The following LRBA variants were observed in gnomAD, a reference collection of about 807,000 sequenced individuals.
The protein encoded by LRBA is lipopolysaccharide-responsive and beige-like anchor protein.
LRBA carries 176 observed loss-of-function variants against 330.0 expected under a neutral mutation model. That is an observed-to-expected ratio of 0.53 (90% CI 0.47 to 0.60). The LOEUF (loss-of-function observed/expected upper bound fraction) is 0.60. Among genes scored for constraint, LRBA ranks in the 20% least tolerant of loss-of-function variants. The pLI, the probability that LRBA is intolerant of heterozygous loss-of-function variation, is 0.00. For missense variants in LRBA, 3,259 were observed against 3,444.8 expected (o/e 0.95, Z 1.35); for synonymous variants, 1,230 against 1,193.0 (o/e 1.03, Z -0.64).
At chr4:150,812,869 C>A (rs780739749) in intron 31 of LRBA, among the ~76,000 whole-genome samples, 1 of 151,980 alleles carries the variant, frequency 6.6e-6, no homozygotes, top group Non-Finnish European at 1.5e-5. Context: ...TATAGAGAAA[C>A]AGCATATTGG....
intron 35 of LRBA, among the ~76,000 whole-genome samples, chr4:150,754,350 A>T (rs1352258643): frequency 6.9e-6 from 1 of 145,884 alleles, no homozygotes; most frequent in Non-Finnish European, 1.5e-5. Context: ...GATAAACATT[A>T]ATTTAAATAA....
Position 150,282,567 on chromosome 4 carries a change from T to A in LRBA, c.8199A>T (p.Lys2733Asn). 1 of 1,613,990 alleles carries A rather than the reference T, an allele frequency of 6.2e-7. No homozygotes were observed. The change falls in exon 55 of 57, where the codon AAA becomes AAT. Residue 2733 changes from lysine (K) to asparagine (N), a missense_variant. Coordinates refer to ENST00000651943, the MANE Select transcript of LRBA (RefSeq NM_001364905.1). ...GACCCTCTCTTGAAGCCTGAATGAG[T>A]TTTGGTTTCAGGCAGTTTTCAGGAC... Reference protein sequence around the residue: ...LEGPENCLKPKLIQASREGHC... With the variant: ...LEGPENCLKPNLIQASREGHC...
chr4:150,553,495 T>C (rs1172445869), intron 40 of LRBA, among the ~76,000 whole-genome samples: 2 of 151,986 alleles, frequency 1.3e-5, no homozygotes, highest in African/African-American at 4.8e-5. Context: ...CTCCCTCACC[T>C]GGCACTCCTC....
chr4:150,498,979 C>A (rs907744126), intron 40 of LRBA, among the ~76,000 whole-genome samples: 2 of 152,050 alleles, frequency 1.3e-5, no homozygotes, highest in Admixed American at 6.6e-5. Context: ...AACAAATACC[C>A]TTCTATTTTA....
chr4:150,806,388 C>G lies in LRBA; in HGVS notation c.5401G>C (p.Glu1801Gln). 2 of 1,601,996 alleles carry G rather than the reference C, an allele frequency of 1.2e-6. No individual in the cohort carries two copies. The highest frequency in any genetic ancestry group is 1.3e-5 in the African/African-American group (1 of 74,306). ...GGAGCTGCCTTTTCCAAAGCGTGTT[C>G]AAGCCTCTCTGTAATACTAAGGAAA... Reference protein sequence around the residue: ...VSNMSITERLEHALEKAAPLL... With the variant: ...VSNMSITERLQHALEKAAPLL... Residue 1801 changes from glutamate (E) to glutamine (Q), a missense_variant, in exon 33 of 57, where the codon GAA (glutamate) becomes CAA (glutamine). Coordinates refer to ENST00000651943, the MANE Select transcript of LRBA (RefSeq NM_001364905.1).
chr4:150,836,947 C>T (rs931362997), intron 28 of LRBA, among the ~76,000 whole-genome samples: 20 of 152,120 alleles, frequency 1.3e-4, no homozygotes, highest in African/African-American at 4.6e-4. Flanking sequence ...TATAAATTTC[C>T]CTCTACACAC....
At chr4:150,634,642 T>C (rs1191228550) in intron 37 of LRBA, among the ~76,000 whole-genome samples, 2 of 152,198 alleles carry the variant, frequency 1.3e-5, no homozygotes, top group African/African-American at 4.8e-5. Context: ...ATATATTTCT[T>C]CTTTGCATTC....
At chr4:150,349,151 C>T (rs1650436034) in intron 48 of LRBA, among the ~76,000 whole-genome samples, 1 of 152,136 alleles carries the variant, frequency 6.6e-6, no homozygotes, top group African/African-American at 2.4e-5. Context: ...TAAATATGTA[C>T]TTACATACCT....
chr4:150,685,405 TATATATATATATATA>T (rs1249666736), intron 36 of LRBA, among the ~76,000 whole-genome samples: 18 of 16,834 alleles, frequency 1.1e-3, no homozygotes, highest in Non-Finnish European at 1.7e-3. Flanking sequence ...TATATATATA[TATATATATATATATA>T]TTTTTTTTTT....
At chr4:150,501,637 G>A (rs2152118351) in intron 40 of LRBA, among the ~76,000 whole-genome samples, 1 of 151,906 alleles carries the variant, frequency 6.6e-6, no homozygotes, top group East Asian at 1.9e-4. Context: ...CTAAGATTCT[G>A]GGAACACATG....
chr4:150,630,256 C>T (rs1411844835), intron 37 of LRBA, among the ~76,000 whole-genome samples: 1 of 152,110 alleles, frequency 6.6e-6, no homozygotes, highest in Non-Finnish European at 1.5e-5. Flanking sequence ...TTTTCTTCTT[C>T]AAATCTATAA....
rs1223308380 is a variant in LRBA, at chr4:150,729,688, G to A, written c.5754+5570C>T. 4.6e-5 allele frequency among the ~76,000 whole-genome samples: 7 copies of A among 152,174 alleles called. No individual in the cohort carries two copies. The East Asian group carries it at 1.2e-3, about 25-fold the overall frequency. ...TCACAAGAGACTCAAAATAGCCAAA[G>A]CTATCCTGAGCAAAAAGAATAAAAC... On this transcript the variant is annotated intron_variant, in intron 36 of 56. Coordinates refer to ENST00000651943, the MANE Select transcript of LRBA (RefSeq NM_001364905.1).
At chr4:150,858,214 A>T (rs1034645576) in intron 22 of LRBA, among the ~76,000 whole-genome samples, 3 of 152,176 alleles carry the variant, frequency 2.0e-5, no homozygotes, top group African/African-American at 7.2e-5. Context: ...ACTTTTAGCC[A>T]GGAACAAAGG....
chr4:150,637,242 C>CA (rs34708076), intron 37 of LRBA, among the ~76,000 whole-genome samples: 1 of 152,124 alleles, frequency 6.6e-6, no homozygotes, highest in Non-Finnish European at 1.5e-5. Context: ...CAGTTTGCCA[C>CA]AAAAAACTGG....
intron 46 of LRBA, among the ~76,000 whole-genome samples, chr4:150,429,798 T>C (rs1169315388): frequency 2.0e-5 from 3 of 152,156 alleles, no homozygotes; most frequent in Admixed American, 6.5e-5. Context: ...ATAGCACTTA[T>C]CACTATCTAA....
At chr4:150,849,217 G>A (rs993463680) in intron 25 of LRBA, among the ~76,000 whole-genome samples, 1 of 152,108 alleles carries the variant, frequency 6.6e-6, no homozygotes, top group African/African-American at 2.4e-5. Context: ...TTCTTCACTA[G>A]CTGACTCATA....
chr4:150,740,281 A>T (rs1404539076), intron 35 of LRBA, among the ~76,000 whole-genome samples: 1 of 152,314 alleles, frequency 6.6e-6, no homozygotes. Flanking sequence ...TTATGCAAGT[A>T]TTGAACTGAA....
chr4:150,694,155 A>C (rs1784403383), intron 36 of LRBA, among the ~76,000 whole-genome samples: 1 of 152,108 alleles, frequency 6.6e-6, no homozygotes, highest in South Asian at 2.1e-4. Flanking sequence ...GTTTAGAGTA[A>C]GATGTCATTC....
At chr4:150,662,488 T>C (rs1304138272) in intron 37 of LRBA, among the ~76,000 whole-genome samples, 1 of 152,148 alleles carries the variant, frequency 6.6e-6, no homozygotes, top group African/African-American at 2.4e-5. Context: ...GGGGGTGCAA[T>C]CCAGGCAACG....
Sources: gnomAD v4.1 joint callset for allele counts (sites outside exome capture counted in the v4.1 genomes callset) on GRCh38, gnomAD v4.1.1 for gene constraint, MANE v1.5 for transcripts, NCBI Gene and HGNC (gene_info 2026-07-23, HGNC 2026-07-21) for gene names.